The following RELN variants were observed in gnomAD, a reference collection of about 807,000 sequenced individuals.
RELN encodes the protein reelin.
RELN carries 108 observed loss-of-function variants against 427.6 expected under a neutral mutation model. That is an observed-to-expected ratio of 0.25 (90% confidence interval 0.22 to 0.30). The LOEUF is 0.30. Ranked by LOEUF, RELN falls within the 10% of genes least tolerant of loss-of-function variation. RELN has a pLI of 1.00. For synonymous variants in RELN, 1,524 were observed against 1,513.4 expected, an observed-to-expected ratio of 1.01 and a Z score of -0.16; for missense variants, 3,715 against 4,302.8, an observed-to-expected ratio of 0.86 and a Z score of 3.82.
At position 103,555,158 on chromosome 7, in the gene RELN, A is replaced by T. The variant is rs115222825; in HGVS notation, c.5798-1327T>A. ...AGGTGTTTAAGGAATATGTTAGAGTAGATAATAACGGCAAAAGCCAGGCTG... is the reference window on the plus strand; with the variant it reads ...AGGTGTTTAAGGAATATGTTAGAGTTGATAATAACGGCAAAAGCCAGGCTG... On this transcript the variant is annotated intron_variant, in intron 38 of 64. Transcript: ENST00000428762. Among the ~76,000 whole-genome samples, 360 of 152,306 alleles carry T rather than the reference A, an allele frequency of 2.4e-3. 2 individuals are homozygous for T. The highest frequency in any genetic ancestry group is 7.7e-3 in the African/African-American group (319 of 41,570).
At chr7:103,593,448 T>C (rs986974277) in intron 27 of RELN, among the ~76,000 whole-genome samples, 6 of 152,200 alleles carry the variant, frequency 3.9e-5, no homozygotes, top group East Asian at 3.8e-4. Context: ...GTAGAGTTCC[T>C]TGAGTACCTA....
chr7:103,597,021 T>TA (rs1489764255), intron 24 of RELN, among the ~76,000 whole-genome samples: 1 of 152,230 alleles, frequency 6.6e-6, no homozygotes, highest in African/African-American at 2.4e-5. Flanking sequence ...AAAGACCATC[T>TA]ATTTGAAATC....
intron 2 of RELN, among the ~76,000 whole-genome samples, chr7:103,874,340 T>C (rs1794424983): frequency 7.2e-6 from 1 of 138,628 alleles, no homozygotes; most frequent in Non-Finnish European, 1.6e-5. Flanking sequence ...CAACATAGTG[T>C]TGGAAGTTCT....
intron 28 of RELN, 135 bp from the exon 29 acceptor site, chr7:103,575,840 C>A: frequency 1.1e-6 from 1 of 948,264 alleles, no homozygotes; most frequent in Non-Finnish European, 1.7e-6. Context: ...CTGCACTTAA[C>A]CTTCATAAGC....
At chr7:103,932,267 T>C (rs948265640) in intron 1 of RELN, among the ~76,000 whole-genome samples, 4 of 152,226 alleles carry the variant, frequency 2.6e-5, no homozygotes, top group Non-Finnish European at 5.9e-5. Context: ...GCTATTATCC[T>C]TAGCAAACTA....
chr7:103,589,692 T>C lies in RELN; in HGVS notation c.4049A>G (p.Asn1350Ser), dbSNP rs761974395. 1.9e-6 allele frequency: 3 copies of C among 1,613,986 alleles called. No homozygotes were observed. Among genetic ancestry groups the C allele is most frequent in the African/African-American group, 1.3e-5 (1 of 74,996 alleles). The change falls in exon 28 of 65, where the codon AAC becomes AGC. Residue 1350 changes from asparagine (N) to serine (S), a missense_variant. Physicochemically the swap from Asn to Ser is conservative, Grantham distance 46. This residue lies in a region of RELN where 2,208 missense variants were observed against 2,361.7 expected (regional missense o/e 0.93). Transcript: ENST00000428762. ...PASAGKGCEGNSRELSEPTMY... is the reference protein window; with the variant it reads ...PASAGKGCEGSSRELSEPTMY... ...GGTGGGCTCACTTAGTTCTCTGGAG[T>C]TTCCTTCGCATCCTTTGCCTGCAGA...
chr7:103,912,207 T>A (rs1795384003), intron 2 of RELN, among the ~76,000 whole-genome samples: 1 of 151,958 alleles, frequency 6.6e-6, no homozygotes, highest in South Asian at 2.1e-4. Context: ...TAAGCTTTTT[T>A]TTTTTTGAGA....
At chr7:103,798,396 G>A (rs926007310) in intron 3 of RELN, among the ~76,000 whole-genome samples, 3 of 152,126 alleles carry the variant, frequency 2.0e-5, no homozygotes, top group African/African-American at 7.2e-5. Context: ...TGGCAATAAT[G>A]AGGCCTACCT....
At chr7:103,909,161 G>A (rs1454812679) in intron 2 of RELN, among the ~76,000 whole-genome samples, 1 of 152,104 alleles carries the variant, frequency 6.6e-6, no homozygotes, top group Non-Finnish European at 1.5e-5. Flanking sequence ...CCCTAAATAT[G>A]TTCATGCATT....
At chr7:103,982,288 A>G (rs1797006454) in intron 1 of RELN, among the ~76,000 whole-genome samples, 1 of 152,198 alleles carries the variant, frequency 6.6e-6, no homozygotes, top group South Asian at 2.1e-4. Flanking sequence ...TTCAGCATCC[A>G]GTTAAAAAAT....
intron 1 of RELN, among the ~76,000 whole-genome samples, chr7:103,924,982 GCATACACATACA>G (rs71930636): frequency 4.7e-5 from 2 of 42,220 alleles, no homozygotes; most frequent in Non-Finnish European, 1.2e-4. Context: ...GTGTGCATGC[GCATACACATACA>G]CACACACACA....
At chr7:103,565,074 G>T (rs564926333) in intron 34 of RELN, among the ~76,000 whole-genome samples, 1 of 152,276 alleles carries the variant, frequency 6.6e-6, no homozygotes, top group East Asian at 1.9e-4. Flanking sequence ...GAACAGAAAA[G>T]TTCAGCCTCA....
intron 3 of RELN, among the ~76,000 whole-genome samples, chr7:103,830,939 T>A (rs1020166984): frequency 6.6e-6 from 1 of 152,134 alleles, no homozygotes; most frequent in Admixed American, 6.6e-5. Context: ...ATGTGTAAAC[T>A]TTTTTGTAGT....
At chr7:103,662,553 C>T (rs1351854746) in intron 11 of RELN, among the ~76,000 whole-genome samples, 1 of 138,380 alleles carries the variant, frequency 7.2e-6, no homozygotes, top group Non-Finnish European at 1.5e-5. Flanking sequence ...ACCCAGGAGG[C>T]AAAGGTTGCA....
intron 28 of RELN, among the ~76,000 whole-genome samples, chr7:103,582,394 C>T (rs1404298693): frequency 6.6e-6 from 1 of 152,174 alleles, no homozygotes; most frequent in Non-Finnish European, 1.5e-5. Context: ...ATCAACTCTG[C>T]CACCTACACA....
chr7:103,928,895 T>C lies in RELN; in HGVS notation c.227-11710A>G, dbSNP rs139790231. On this transcript the variant is annotated intron_variant, in intron 1 of 64. Transcript: ENST00000428762. ...AAGGTCACTGTATGTTCTGGCTGAA[T>C]TGATAACAAAGAAAAGTACCTAAAT... 2.2e-3 allele frequency among the ~76,000 whole-genome samples: 328 copies of C among 152,336 alleles called. 1 individual carries two copies. The highest frequency in any genetic ancestry group is 7.4e-3 in the African/African-American group (307 of 41,578).
intron 2 of RELN, among the ~76,000 whole-genome samples, chr7:103,898,371 A>C (rs1439709740): frequency 6.6e-6 from 1 of 152,026 alleles, no homozygotes; most frequent in African/African-American, 2.4e-5. Flanking sequence ...GGGCATTTAG[A>C]AATTTTTCAA....
At chr7:103,500,994 G>GTATTCAGTACTCAAGAGAA in intron 52 of RELN, 72 bp from the exon 53 acceptor site, 1 of 1,339,110 alleles carries the variant, frequency 7.5e-7, no homozygotes, top group Non-Finnish European at 1.1e-6. Flanking sequence ...TCCTGCATGT[G>GTATTCAGTACTCAAGAGAA]TATTCAGTAC....
At chr7:103,980,873 C>A (rs1449154202) in intron 1 of RELN, among the ~76,000 whole-genome samples, 2 of 152,084 alleles carry the variant, frequency 1.3e-5, no homozygotes, top group Non-Finnish European at 2.9e-5. Flanking sequence ...AGCTTAGAAC[C>A]AACCAATTTC....
Sources: gnomAD v4.1 joint callset for allele counts (sites outside exome capture counted in the v4.1 genomes callset) on GRCh38, gnomAD v4.1.1 for gene constraint, gnomAD v4.1.1 regional missense constraint, MANE v1.5 for transcripts, NCBI Gene and HGNC (gene_info 2026-07-23, HGNC 2026-07-21) for gene names.